RAPGEF2: variants seen among roughly 807,000 people sequenced by gnomAD.
The protein encoded by RAPGEF2 is Rap guanine nucleotide exchange factor 2, also known as PDZ domain containing guanine nucleotide exchange factor (GEF) 1.
RAPGEF2 carries 54 observed loss-of-function variants against 186.7 expected under a neutral mutation model. The observed-to-expected ratio is 0.29, with a 90% CI of 0.23 to 0.36. The LOEUF is 0.36. RAPGEF2 is among the 10% of genes least tolerant of loss of function. The pLI is 1.00. For missense variants in RAPGEF2, 1,532 were observed against 2,045.0 expected, an observed-to-expected ratio of 0.75 and a Z score of 4.84; for synonymous variants, 712 against 705.9, an observed-to-expected ratio of 1.01 and a Z score of -0.14.
At chr4:159,336,564 C>T (rs1195356300) in intron 17 of RAPGEF2, among the ~76,000 whole-genome samples, 1 of 152,136 alleles carries the variant, frequency 6.6e-6, no homozygotes, top group Non-Finnish European at 1.5e-5. Context: ...TTTATCCACT[C>T]ATTAGTCGAT....
In RAPGEF2 at chr4:159,353,758, C is replaced by T. The variant is rs757986482; in HGVS notation, c.4363C>T (p.His1455Tyr). 4 of 1,613,758 alleles carry T rather than the reference C, an allele frequency of 2.5e-6. No individual in the cohort carries two copies. The highest frequency in any genetic ancestry group is 3.4e-6 in the Non-Finnish European group (4 of 1,179,840). Reference protein sequence around the residue: ...DPAGLWASSSHMDQIMFSDHS... With the variant: ...DPAGLWASSSYMDQIMFSDHS... Reference sequence around the variant, plus strand: ...TGCAGGTTTATGGGCATCAAGCAGCCATATGGACCAAATTATGTTTTCTGA... The same window carrying T: ...TGCAGGTTTATGGGCATCAAGCAGCTATATGGACCAAATTATGTTTTCTGA... The change falls in exon 28 of 30, where the codon CAT (histidine) becomes TAT (tyrosine). Residue 1455 changes from histidine to tyrosine, a missense_variant. By Grantham distance (83) the His-to-Tyr change is moderately conservative. This residue lies in a region of RAPGEF2 where 594 missense variants were observed against 608.5 expected (regional missense o/e 0.98). Transcript: ENST00000691494. The surrounding 1 kb of genome is among the most constrained non-coding windows in gnomAD (Gnocchi z 4.3).
chr4:159,242,446 TAA>T (rs1283105912), intron 6 of RAPGEF2, among the ~76,000 whole-genome samples: 1 of 151,774 alleles, frequency 6.6e-6, no homozygotes, highest in Non-Finnish European at 1.5e-5. Context: ...TTAGTAAGTT[TAA>T]GTGATATATC....
chr4:159,212,535 T>C (rs565276643), intron 4 of RAPGEF2, among the ~76,000 whole-genome samples: 2 of 152,320 alleles, frequency 1.3e-5, no homozygotes, highest in Admixed American at 6.5e-5. Context: ...TACAATTTAA[T>C]GTCTTCCTTA....
chr4:159,240,933 T>C (rs979236560), intron 5 of RAPGEF2: 1 of 342,492 alleles, frequency 2.9e-6, no homozygotes, highest in African/African-American at 2.1e-5. Flanking sequence ...CTGCTGAAAA[T>C]ATCCTTCCCT....
intron 7 of RAPGEF2, among the ~76,000 whole-genome samples, chr4:159,251,816 G>A (rs933463074): frequency 1.3e-5 from 2 of 151,882 alleles, no homozygotes; most frequent in Non-Finnish European, 2.9e-5. Context: ...ATGTGGGTGG[G>A]GTCAGATAAG....
At chr4:159,213,771 T>A (rs916654647) in intron 4 of RAPGEF2, among the ~76,000 whole-genome samples, 1 of 152,206 alleles carries the variant, frequency 6.6e-6, no homozygotes, top group Admixed American at 6.5e-5. Context: ...TTGTTAAGAT[T>A]TGTAGAGCTT....
chr4:159,116,955 G>A (rs1473165439), intron 1 of RAPGEF2, among the ~76,000 whole-genome samples: 1 of 152,102 alleles, frequency 6.6e-6, no homozygotes. Context: ...GGTTTGATGG[G>A]TGCAGCAAAC....
chr4:159,134,478 T>G (rs1175328731), intron 1 of RAPGEF2, among the ~76,000 whole-genome samples: 1 of 152,226 alleles, frequency 6.6e-6, no homozygotes, highest in East Asian at 1.9e-4. Flanking sequence ...TGTTTTCCCC[T>G]TCTTGATAGA....
chr4:159,306,878 A>G (rs1415577998), intron 8 of RAPGEF2, among the ~76,000 whole-genome samples: 1 of 152,168 alleles, frequency 6.6e-6, no homozygotes, highest in Non-Finnish European at 1.5e-5. Context: ...TAGATTTAGT[A>G]TCTGCTTAAA....
chr4:159,132,206 G>A (rs758588920), intron 1 of RAPGEF2, among the ~76,000 whole-genome samples: 1 of 152,156 alleles, frequency 6.6e-6, no homozygotes, highest in Non-Finnish European at 1.5e-5. Flanking sequence ...ACAGAAGTAC[G>A]TTATCTTCAG....
chr4:159,287,251 T>A (rs1307836688), intron 7 of RAPGEF2, among the ~76,000 whole-genome samples: 3 of 152,140 alleles, frequency 2.0e-5, no homozygotes, highest in African/African-American at 7.2e-5. Context: ...TAAGTTAAGA[T>A]TAACACTGTT....
Position 159,273,823 on chromosome 4 carries a change from C to T in RAPGEF2, c.543+30032C>T, listed in dbSNP as rs13435521. Among the ~76,000 whole-genome samples, 1,242 of 152,160 alleles carry T rather than the reference C, an allele frequency of 8.2e-3. 14 individuals carry two copies. Among genetic ancestry groups the T allele is most frequent in the African/African-American group, 0.028 (1,171 of 41,502 alleles). On this transcript the variant is annotated intron_variant, in intron 7 of 29. Coordinates refer to ENST00000691494, the MANE Select transcript of RAPGEF2 (RefSeq NM_001394067.2). Reference sequence around the variant, plus strand: ...TTCTCTTTTTTTCGAGATGGAGTCTCGCTCTGTCGCCTGGGCTGGAGTGCA... The same window carrying T: ...TTCTCTTTTTTTCGAGATGGAGTCTTGCTCTGTCGCCTGGGCTGGAGTGCA...
At chr4:159,332,854 T>G in intron 17 of RAPGEF2, 157 bp downstream of exon 17, 1 of 861,128 alleles carries the variant, frequency 1.2e-6, no homozygotes. Flanking sequence ...AAATTTGTTT[T>G]AATCTCGTTT....
At chr4:159,134,198 T>C (rs1313665634) in intron 1 of RAPGEF2, among the ~76,000 whole-genome samples, 1 of 152,180 alleles carries the variant, frequency 6.6e-6, no homozygotes, top group Non-Finnish European at 1.5e-5. Flanking sequence ...AGTTTTGCCT[T>C]TTTAAGAATG....
chr4:159,309,348 T>G (rs1763686546), intron 8 of RAPGEF2, among the ~76,000 whole-genome samples: 1 of 152,196 alleles, frequency 6.6e-6, no homozygotes, highest in African/African-American at 2.4e-5. Context: ...TTATGTTATC[T>G]CTCTGCCTAG....
intron 11 of RAPGEF2, among the ~76,000 whole-genome samples, chr4:159,325,163 G>A (rs939849339): frequency 7.9e-5 from 12 of 151,286 alleles, no homozygotes; most frequent in African/African-American, 1.2e-4. Flanking sequence ...AGCTAATTCC[G>A]TCCATGAGCA....
intron 4 of RAPGEF2, among the ~76,000 whole-genome samples, chr4:159,225,956 T>G (rs751148524): frequency 2.0e-5 from 3 of 152,202 alleles, no homozygotes; most frequent in Non-Finnish European, 2.9e-5. Flanking sequence ...AAACTTTGTC[T>G]TTTTGAAAGT....
chr4:159,316,327 C>A, intron 9 of RAPGEF2, among the ~76,000 whole-genome samples: 1 of 152,026 alleles, frequency 6.6e-6, no homozygotes, highest in East Asian at 1.9e-4. Flanking sequence ...ATGTCTATAA[C>A]CTAGATCTAG....
intron 4 of RAPGEF2, among the ~76,000 whole-genome samples, chr4:159,232,854 C>G (rs567437275): frequency 1.3e-5 from 2 of 152,202 alleles, no homozygotes; most frequent in East Asian, 3.9e-4. Context: ...ATCTCATTTG[C>G]ATGTGGCTTC....
Sources: allele counts gnomAD v4.1 joint callset (sites outside exome capture counted in the v4.1 genomes callset), GRCh38; gene constraint gnomAD v4.1.1; regional missense constraint gnomAD v4.1.1; non-coding constraint Gnocchi (gnomAD v3.1); transcripts MANE v1.5; gene names NCBI Gene and HGNC (gene_info 2026-07-23, HGNC 2026-07-21).